The following GALNT13 variants were observed in gnomAD, a reference collection of about 807,000 sequenced individuals.
GALNT13 encodes the protein polypeptide N-acetylgalactosaminyltransferase 13.
GALNT13 carries 28 observed loss-of-function variants against 64.2 expected under a neutral mutation model. The ratio of observed to expected loss-of-function variants is 0.44; its 90% CI spans 0.32 to 0.60. GALNT13 has a LOEUF of 0.60. GALNT13 is among the 20% of genes least tolerant of loss of function. GALNT13 has a pLI of 0.05. For synonymous variants in GALNT13, 214 were observed against 224.6 expected (o/e 0.95, Z 0.42); for missense variants, 577 against 669.8 (o/e 0.86, Z 1.53).
At chr2:154,269,916 A>ATATATATATATT (rs1691253012) in intron 8 of GALNT13, among the ~76,000 whole-genome samples, 1 of 140,072 alleles carries the variant, frequency 7.1e-6, no homozygotes, top group East Asian at 2.2e-4. Context: ...GTATATATAT[A>ATATATATATATT]TATATATATT....
intron 9 of GALNT13, among the ~76,000 whole-genome samples, chr2:154,391,612 T>C (rs1698796010): frequency 6.6e-6 from 1 of 152,178 alleles, no homozygotes; most frequent in South Asian, 2.1e-4. Flanking sequence ...GCAGAATGGA[T>C]GTCAGGCGTG....
the GALNT13 span, among the ~76,000 whole-genome samples, chr2:153,170,033 G>A: frequency 5.9e-5 from 9 of 152,228 alleles, no homozygotes; most frequent in Admixed American, 5.9e-4. Context: ...TAGTAAGTAT[G>A]AGTAATTACA....
At chr2:153,212,636 T>C in the GALNT13 span, among the ~76,000 whole-genome samples, 1 of 152,200 alleles carries the variant, frequency 6.6e-6, no homozygotes, top group African/African-American at 2.4e-5. Flanking sequence ...TAGAAAATGC[T>C]ATTTTTAAGT....
At chr2:153,565,989 G>A in the GALNT13 span, among the ~76,000 whole-genome samples, 10 of 152,076 alleles carry the variant, frequency 6.6e-5, no homozygotes, top group African/African-American at 1.9e-4. Flanking sequence ...TCTACTGAAC[G>A]CTTTTGATAT....
At chr2:154,152,337 G>A (rs1377604958) in intron 4 of GALNT13, among the ~76,000 whole-genome samples, 2 of 152,122 alleles carry the variant, frequency 1.3e-5, no homozygotes, top group South Asian at 2.1e-4. Flanking sequence ...TGGGTAACCC[G>A]ACCTTTCTCT....
intron 8 of GALNT13, chr2:154,286,942 G>C (rs544947838): frequency 1.9e-6 from 1 of 530,472 alleles, no homozygotes; most frequent in African/African-American, 1.9e-5. Context: ...CAATGACTCT[G>C]TGCTGCCATC....
intron 9 of GALNT13, among the ~76,000 whole-genome samples, chr2:154,383,741 G>A (rs537139362): frequency 3.3e-5 from 5 of 151,848 alleles, no homozygotes; most frequent in African/African-American, 7.2e-5. Context: ...CTTTGAAGCC[G>A]ATTTTTCATA....
intron 3 of GALNT13, among the ~76,000 whole-genome samples, chr2:154,076,565 T>G (rs1204702769): frequency 6.6e-6 from 1 of 151,666 alleles, no homozygotes; most frequent in Non-Finnish European, 1.5e-5. Context: ...TGATAGAAGA[T>G]AAAATTTATC....
the GALNT13 span, among the ~76,000 whole-genome samples, chr2:153,665,232 G>A: frequency 7.9e-5 from 12 of 152,126 alleles, no homozygotes; most frequent in Non-Finnish European, 1.6e-4. Flanking sequence ...TGTGGTAAAA[G>A]TCAAGAAACA....
intron 8 of GALNT13, among the ~76,000 whole-genome samples, chr2:154,274,589 C>G (rs927822551): frequency 1.3e-5 from 2 of 152,056 alleles, no homozygotes; most frequent in African/African-American, 4.8e-5. Context: ...CTTGCTGCTG[C>G]CATGTGAAGA....
the GALNT13 span, among the ~76,000 whole-genome samples, chr2:153,315,736 C>G: frequency 6.6e-6 from 1 of 152,110 alleles, no homozygotes; most frequent in Non-Finnish European, 1.5e-5. Flanking sequence ...GCAGAATATA[C>G]GTTCTCTTTA....
chr2:154,169,845 A>G (rs1201509811), intron 4 of GALNT13, among the ~76,000 whole-genome samples: 2 of 152,058 alleles, frequency 1.3e-5, no homozygotes, highest in East Asian at 3.9e-4. Context: ...CACTAAATCC[A>G]TAAAAAGAAA....
the GALNT13 span, among the ~76,000 whole-genome samples, chr2:153,723,858 T>G: frequency 2.7e-5 from 4 of 150,650 alleles, no homozygotes; most frequent in African/African-American, 9.9e-5. Context: ...AGAATCAATA[T>G]CGTGAAAATG....
intron 9 of GALNT13, among the ~76,000 whole-genome samples, chr2:154,385,094 G>C (rs1462427317): frequency 1.3e-5 from 2 of 151,876 alleles, no homozygotes; most frequent in African/African-American, 4.8e-5. Context: ...CACTATTTCA[G>C]AAAGGTTCAA....
At chr2:154,265,700 AAAAC>A (rs750402903) in intron 8 of GALNT13, among the ~76,000 whole-genome samples, 39 of 152,296 alleles carry the variant, frequency 2.6e-4, no homozygotes, top group East Asian at 3.9e-4. Context: ...ACTCTGTCTC[AAAAC>A]AAACAAACAA....
intron 2 of GALNT13, among the ~76,000 whole-genome samples, chr2:153,927,528 CT>C (rs1392156231): frequency 1.3e-5 from 2 of 151,688 alleles, no homozygotes; most frequent in Non-Finnish European, 1.5e-5. Flanking sequence ...ATATTAGTTG[CT>C]TTATATTGAT....
chr2:153,129,891 A>G, the GALNT13 span, among the ~76,000 whole-genome samples: 3 of 152,202 alleles, frequency 2.0e-5, no homozygotes, highest in Non-Finnish European at 4.4e-5. Flanking sequence ...CAACACATAC[A>G]ATTAGGATTA....
At chr2:153,329,220 G>C in the GALNT13 span, among the ~76,000 whole-genome samples, 1 of 152,112 alleles carries the variant, frequency 6.6e-6, no homozygotes, top group Non-Finnish European at 1.5e-5. Context: ...GGTCTTGCTG[G>C]GAGCTGCAGA....
the GALNT13 span, among the ~76,000 whole-genome samples, chr2:153,073,103 G>A: frequency 6.6e-6 from 1 of 152,120 alleles, no homozygotes. Flanking sequence ...CAGATCATAA[G>A]TAGGTTACGC....
Sources: allele counts gnomAD v4.1 joint callset (sites outside exome capture counted in the v4.1 genomes callset), GRCh38; gene constraint gnomAD v4.1.1; transcripts MANE v1.5; gene names NCBI Gene and HGNC (gene_info 2026-07-23, HGNC 2026-07-21).